RAB33A: variants seen among roughly 807,000 people sequenced by gnomAD.
The protein encoded by RAB33A is ras-related protein Rab-33A.
In RAB33A, 6 loss-of-function variants were observed where a neutral mutation model predicts 12.0. That is an observed-to-expected ratio of 0.50 (90% CI 0.27 to 0.99). The LOEUF (loss-of-function observed/expected upper bound fraction) is 0.99, where lower values mean the gene tolerates loss of function less well. Among genes scored for constraint, RAB33A ranks in the 50% least tolerant of loss-of-function variants. RAB33A has a pLI of 0.11. For missense variants in RAB33A, 109 were observed against 192.0 expected (o/e 0.57, Z 2.55); for synonymous variants, 70 against 82.4 (o/e 0.85, Z 0.81).
chrX:130,136,829 A>G, the RAB33A span: 33 of 1,031,057 alleles, frequency 3.2e-5, no homozygotes, highest in African/African-American at 5.4e-4. Context: ...GGTAAAACCA[A>G]TTATCAGTAC....
chrX:130,166,182 C>G, the RAB33A span, among the ~76,000 whole-genome samples: 1 of 111,776 alleles, frequency 8.9e-6, no homozygotes, highest in African/African-American at 3.2e-5. Context: ...CGAAGCCTTC[C>G]TGATTCTTTT....
the RAB33A span, among the ~76,000 whole-genome samples, chrX:130,116,956 G>A: frequency 8.9e-6 from 1 of 112,299 alleles, no homozygotes; most frequent in Non-Finnish European, 1.9e-5. Context: ...GCTCACGCCT[G>A]TAATCCCAGC....
At chrX:130,114,173 A>G in the RAB33A span, among the ~76,000 whole-genome samples, 1 of 112,092 alleles carries the variant, frequency 8.9e-6, no homozygotes, top group Non-Finnish European at 1.9e-5. Flanking sequence ...AAGGGCAGGA[A>G]GAGAGGTCAG....
the RAB33A span, among the ~76,000 whole-genome samples, chrX:130,122,252 T>A: frequency 8.9e-6 from 1 of 112,507 alleles, no homozygotes; most frequent in Non-Finnish European, 1.9e-5. Flanking sequence ...GAATATTAGT[T>A]TCAACAAGGT....
the RAB33A span, among the ~76,000 whole-genome samples, chrX:130,116,297 T>G: frequency 9.2e-6 from 1 of 108,526 alleles, no homozygotes. Context: ...TTTTTTGTAT[T>G]ATTTTTATTA....
the RAB33A span, among the ~76,000 whole-genome samples, chrX:130,153,284 C>T: frequency 1.0e-5 from 1 of 97,667 alleles, no homozygotes; most frequent in Non-Finnish European, 2.0e-5. Context: ...ACCCGGGAGG[C>T]GGACGTATCA....
intron 1 of RAB33A, among the ~76,000 whole-genome samples, chrX:130,183,642 G>C (rs1569427203): frequency 8.9e-6 from 1 of 111,886 alleles, no homozygotes. Flanking sequence ...TTCTGGAAGT[G>C]AGATTTCAGG....
intron 1 of RAB33A, among the ~76,000 whole-genome samples, chrX:130,178,321 AAGAG>A (rs10560124): frequency 4.0e-5 from 4 of 99,105 alleles, no homozygotes; most frequent in Non-Finnish European, 4.0e-5. Flanking sequence ...TTGTCTGGAA[AAGAG>A]AGAGAGAGAG....
the RAB33A span, chrX:130,133,249 T>A: frequency 8.5e-7 from 1 of 1,176,127 alleles, no homozygotes; most frequent in South Asian, 1.8e-5. Flanking sequence ...ACCATAACTC[T>A]GTGTTATGGT....
chrX:130,171,940 ACACACACACACGCGCG>A, upstream of RAB33A: 1 of 725,626 alleles, frequency 1.4e-6, no homozygotes, highest in Non-Finnish European at 1.9e-6. Flanking sequence ...ACACGGGCGG[ACACACACACACGCGCG>A]CACACACACA....
At chrX:130,176,285 T>G (rs1374475185) in intron 1 of RAB33A, among the ~76,000 whole-genome samples, 1 of 111,724 alleles carries the variant, frequency 9.0e-6, no homozygotes, top group African/African-American at 3.3e-5. Flanking sequence ...TGTGTGTGTG[T>G]AGAGAGGGAG....
At chrX:130,136,983 G>A in the RAB33A span, 5 of 1,201,391 alleles carry the variant, frequency 4.2e-6, no homozygotes, top group South Asian at 1.8e-5. Flanking sequence ...CCAGGTGATA[G>A]GGCTTATGTC....
At chrX:130,168,340 G>A (rs748605912), upstream of RAB33A, among the ~76,000 whole-genome samples, 4 of 107,054 alleles carry the variant, frequency 3.7e-5, no homozygotes, top group South Asian at 4.2e-4. Flanking sequence ...TCAGCCTCCC[G>A]AGTAGCTGGG....
intron 1 of RAB33A, among the ~76,000 whole-genome samples, chrX:130,177,207 C>T (rs1486309727): frequency 1.8e-5 from 2 of 112,242 alleles, no homozygotes; most frequent in Non-Finnish European, 3.8e-5. Flanking sequence ...GTCTCACCTT[C>T]GAGAAGCCAA....
chrX:130,163,999 C>CAAAAAAAA, the RAB33A span, among the ~76,000 whole-genome samples: 1 of 74,572 alleles, frequency 1.3e-5, no homozygotes, highest in Non-Finnish European at 2.6e-5. Context: ...ACTAAAAATA[C>CAAAAAAAA]AAAAAAAAAA....
upstream of RAB33A, chrX:130,171,776 C>G: frequency 5.9e-6 from 2 of 340,813 alleles, no homozygotes; most frequent in Non-Finnish European, 1.0e-5. Flanking sequence ...AGGCTCGCGG[C>G]TCGTCCACTC....
the RAB33A span, among the ~76,000 whole-genome samples, chrX:130,131,121 G>A: frequency 9.0e-6 from 1 of 111,486 alleles, no homozygotes; most frequent in Non-Finnish European, 1.9e-5. Context: ...GTGTGGGAGA[G>A]AAGTCCATTC....
chrX:130,126,744 C>A, the RAB33A span, among the ~76,000 whole-genome samples: 3,633 of 112,053 alleles, frequency 0.032, 129 homozygotes, highest in African/African-American at 0.11. Flanking sequence ...AGCACTTCAC[C>A]AGGGTGCAGC....
the RAB33A span, chrX:130,165,688 C>T: frequency 8.9e-7 from 1 of 1,124,821 alleles, no homozygotes; most frequent in Non-Finnish European, 1.2e-6. Flanking sequence ...CCTCCTCCTT[C>T]CCTTTCCTCT....
Sources: gnomAD v4.1 joint callset for allele counts (sites outside exome capture counted in the v4.1 genomes callset) on GRCh38, gnomAD v4.1.1 for gene constraint, MANE v1.5 for transcripts, NCBI Gene and HGNC (gene_info 2026-07-23, HGNC 2026-07-21) for gene names.